The following LPP variants were observed in gnomAD, a reference collection of about 807,000 sequenced individuals.
LPP encodes the protein LIM domain containing preferred translocation partner in lipoma.
Under a neutral mutation model 60.4 loss-of-function variants are expected in LPP, and 38 were observed. The observed-to-expected ratio is 0.63, with a 90% confidence interval of 0.49 to 0.83. The LOEUF is 0.83. Among genes scored for constraint, LPP ranks in the 40% least tolerant of loss-of-function variants. The probability of loss-of-function intolerance (pLI) is 0.00; values close to 1 mark genes in which losing one functional copy is unlikely to be tolerated. For synonymous variants in LPP, 328 were observed against 290.8 expected, an observed-to-expected ratio of 1.13 and a Z score of -1.30; for missense variants, 902 against 783.6, an observed-to-expected ratio of 1.15 and a Z score of -1.80.
At chr3:188,490,114 T>C (rs1008798660) in intron 5 of LPP, among the ~76,000 whole-genome samples, 1 of 152,138 alleles carries the variant, frequency 6.6e-6, no homozygotes, top group Non-Finnish European at 1.5e-5. Context: ...TGGTTTTCTT[T>C]CCCCTTTTAA....
At position 188,318,753 on chromosome 3, in the gene LPP, C is replaced by CTTTTTTTTTTTTTTTTTTTTTTTTTTTTT. The variant is rs10708836; in HGVS notation, c.-66-22887_-66-22886insTTTTTTTTTTTTTTTTTTTTTTTTTTTTT. 3.1e-5 allele frequency among the ~76,000 whole-genome samples: 3 copies of CTTTTTTTTTTTTTTTTTTTTTTTTTTTTT among 96,888 alleles called. 1 individual carries two copies. Among genetic ancestry groups the CTTTTTTTTTTTTTTTTTTTTTTTTTTTTT allele is most frequent in the African/African-American group, 4.9e-5 (1 of 20,488 alleles). 63.6% of individuals were successfully genotyped at this position (96,888 alleles called of 152,430 possible). A position where few individuals can be genotyped will look rare whatever the true frequency, so the allele number is the denominator to read the frequency against. ...AAAAAATTGAAAAAAAATTATGATT[C>CTTTTTTTTTTTTTTTTTTTTTTTTTTTTT]TTTTTTTTTTTTTTTTTTTTTTTGA... On this transcript the variant is annotated intron_variant, in intron 2 of 11. Transcript: ENST00000617246.
At chr3:188,551,711 T>G (rs1356097) in intron 6 of LPP, among the ~76,000 whole-genome samples, 70,699 of 151,934 alleles carry the variant, frequency 0.47, 17,250 homozygotes, top group East Asian at 0.92. Flanking sequence ...GAAGATTGTG[T>G]GTTGCGGAAG....
At chr3:188,749,290 C>A (rs1361467778) in intron 8 of LPP, among the ~76,000 whole-genome samples, 2 of 152,082 alleles carry the variant, frequency 1.3e-5, no homozygotes, top group African/African-American at 2.4e-5. Flanking sequence ...CACTGAGAGC[C>A]CAAAGGCTCT....
chr3:188,385,659 T>C (rs1778079879), intron 3 of LPP, among the ~76,000 whole-genome samples: 1 of 152,214 alleles, frequency 6.6e-6, no homozygotes, highest in Non-Finnish European at 1.5e-5. Context: ...TTTAATCTAA[T>C]TCTGCAAATA....
intron 6 of LPP, among the ~76,000 whole-genome samples, chr3:188,558,842 T>A (rs1830055585): frequency 6.6e-6 from 1 of 152,114 alleles, no homozygotes; most frequent in Admixed American, 6.6e-5. Flanking sequence ...ATTATTAACT[T>A]ATTTCATTTC....
At chr3:188,181,343 A>G (rs761316920) in intron 1 of LPP, among the ~76,000 whole-genome samples, 14 of 131,916 alleles carry the variant, frequency 1.1e-4, no homozygotes, top group South Asian at 2.8e-4. Context: ...ACAAAGTGAA[A>G]TTCCGTCTCA....
At chr3:188,301,734 A>G (rs1219414769) in intron 2 of LPP, among the ~76,000 whole-genome samples, 1 of 152,036 alleles carries the variant, frequency 6.6e-6, no homozygotes, top group Non-Finnish European at 1.5e-5. Flanking sequence ...TGGCACGATC[A>G]TAATTCACTG....
intron 7 of LPP, among the ~76,000 whole-genome samples, chr3:188,681,701 C>T (rs1160378858): frequency 6.6e-6 from 1 of 152,122 alleles, no homozygotes; most frequent in Non-Finnish European, 1.5e-5. Context: ...CGTGTAATTG[C>T]AGAAAGTTTA....
intron 9 of LPP, among the ~76,000 whole-genome samples, chr3:188,774,235 G>A (rs1737001800): frequency 6.6e-6 from 1 of 151,674 alleles, no homozygotes; most frequent in African/African-American, 2.4e-5. Flanking sequence ...TGCCCAGTTT[G>A]GTTACACCTG....
intron 2 of LPP, among the ~76,000 whole-genome samples, chr3:188,281,418 A>G (rs954468004): frequency 3.3e-5 from 5 of 151,894 alleles, no homozygotes; most frequent in Non-Finnish European, 5.9e-5. Context: ...CCTGGCCAAC[A>G]TAGCGAAACC....
chr3:188,605,175 T>C (rs1436515602), intron 6 of LPP, among the ~76,000 whole-genome samples: 2 of 152,176 alleles, frequency 1.3e-5, no homozygotes, highest in Non-Finnish European at 1.5e-5. Flanking sequence ...GAAGGACTCA[T>C]TGAAAAACAG....
rs1197860178 is a variant in LPP at position 188,450,131 on chromosome 3, CGT to C, written c.194-34458_194-34457del. 2.6e-5 allele frequency among the ~76,000 whole-genome samples: 4 copies of C among 152,020 alleles called. No homozygotes were observed. In the South Asian group the frequency reaches 8.3e-4, roughly 32 times the overall value. ...ATTATGAATTATAATACATAGATAACGTGTAAATATTTAATGTCACATATTAT... is the reference window on the plus strand; with the variant it reads ...ATTATGAATTATAATACATAGATAACGTAAATATTTAATGTCACATATTAT... On this transcript the variant is annotated intron_variant, in intron 4 of 11. Transcript: ENST00000617246.
intron 4 of LPP, among the ~76,000 whole-genome samples, chr3:188,466,821 A>ATC (rs1800539108): frequency 8.5e-6 from 1 of 117,804 alleles, no homozygotes; most frequent in Non-Finnish European, 1.8e-5. Flanking sequence ...ATATATATAT[A>ATC]TATATATATA....
chr3:188,249,228 C>T (rs1044548233), intron 2 of LPP, among the ~76,000 whole-genome samples: 12 of 152,124 alleles, frequency 7.9e-5, no homozygotes, highest in African/African-American at 2.9e-4. Context: ...CGAGACCCCA[C>T]ATCTACAAAA....
chr3:188,209,722 G>A (rs1734203830), intron 1 of LPP, among the ~76,000 whole-genome samples: 1 of 152,194 alleles, frequency 6.6e-6, no homozygotes, highest in Admixed American at 6.5e-5. Flanking sequence ...TGGGCTGTGG[G>A]GTGGAGGTAG....
intron 4 of LPP, among the ~76,000 whole-genome samples, chr3:188,421,186 C>G (rs1787702100): frequency 6.6e-6 from 1 of 152,112 alleles, no homozygotes; most frequent in Non-Finnish European, 1.5e-5. Flanking sequence ...TAGCATGTAA[C>G]TATTAACCAT....
intron 2 of LPP, among the ~76,000 whole-genome samples, chr3:188,239,665 A>G (rs2149433368): frequency 6.6e-6 from 1 of 152,326 alleles, no homozygotes; most frequent in South Asian, 2.1e-4. Flanking sequence ...AAAGAAAGGC[A>G]TTATGGAGTC....
intron 4 of LPP, among the ~76,000 whole-genome samples, chr3:188,454,938 C>G (rs1271405841): frequency 1.3e-5 from 2 of 152,166 alleles, no homozygotes; most frequent in Non-Finnish European, 2.9e-5. Flanking sequence ...ACCTGCTTAT[C>G]TAAAGTTTTA....
chr3:188,636,874 A>C (rs1023558372), intron 7 of LPP, among the ~76,000 whole-genome samples: 2 of 147,638 alleles, frequency 1.4e-5, no homozygotes, highest in Non-Finnish European at 3.0e-5. Context: ...AAACTAACAA[A>C]CAGAAAGGAC....
Sources: allele counts gnomAD v4.1 joint callset (sites outside exome capture counted in the v4.1 genomes callset), GRCh38; gene constraint gnomAD v4.1.1; transcripts MANE v1.5; gene names NCBI Gene and HGNC (gene_info 2026-07-23, HGNC 2026-07-21).